TMEM150C: variants seen among roughly 807,000 people sequenced by gnomAD.
TMEM150C encodes tentonin 3.
In TMEM150C, 10 loss-of-function variants were observed where a neutral mutation model predicts 29.9. That is an observed-to-expected ratio of 0.33 (90% CI 0.21 to 0.57). TMEM150C has a LOEUF of 0.57. Ranked by LOEUF, TMEM150C falls within the 20% of genes least tolerant of loss-of-function variation. The pLI, the probability that TMEM150C is intolerant of heterozygous loss-of-function variation, is 0.88. For missense variants in TMEM150C, 251 were observed against 303.6 expected (o/e 0.83, Z 1.29); for synonymous variants, 101 against 112.5 (o/e 0.90, Z 0.64).
At chr4:82,499,317 AAC>A (rs796315749) in intron 5 of TMEM150C, among the ~76,000 whole-genome samples, 14 of 152,336 alleles carry the variant, frequency 9.2e-5, no homozygotes, top group Admixed American at 3.9e-4. Context: ...AGATTTCACT[AAC>A]AGTTTCAGAA....
At chr4:82,505,046 A>T (rs965431289) in intron 1 of TMEM150C, among the ~76,000 whole-genome samples, 6 of 152,086 alleles carry the variant, frequency 3.9e-5, no homozygotes, top group African/African-American at 1.5e-4. Context: ...CAAAAAAGAA[A>T]GTTTAGTCTA....
intron 1 of TMEM150C, among the ~76,000 whole-genome samples, chr4:82,526,080 T>A (rs916791445): frequency 1.3e-5 from 2 of 152,112 alleles, no homozygotes; most frequent in African/African-American, 4.8e-5. Flanking sequence ...AATTTTTATA[T>A]TTTTAGTAGA....
At chr4:82,510,392 TAGA>T (rs1724085686) in intron 1 of TMEM150C, among the ~76,000 whole-genome samples, 2 of 152,284 alleles carry the variant, frequency 1.3e-5, no homozygotes, top group Admixed American at 1.3e-4. Context: ...TTATTATAAA[TAGA>T]AGGACTTTGT....
chr4:82,561,571 C>T (rs901558282), intron 1 of TMEM150C, among the ~76,000 whole-genome samples: 3 of 150,382 alleles, frequency 2.0e-5, no homozygotes, highest in Non-Finnish European at 4.4e-5. Flanking sequence ...GGGCCGGGGC[C>T]GCAGCGGGCG....
intron 6 of TMEM150C, chr4:82,494,779 C>T (rs921984500): frequency 5.0e-5 from 14 of 280,350 alleles, no homozygotes; most frequent in South Asian, 1.7e-4. Flanking sequence ...AACCAATGTT[C>T]CTAATTTTTT....
rs6832308 is a variant in TMEM150C, at chr4:82,508,434, C to T, written c.-10-3767G>A. 6.1e-3 allele frequency among the ~76,000 whole-genome samples: 935 copies of T among 152,050 alleles called. 16 individuals carry two copies. The highest frequency in any genetic ancestry group is 0.021 in the African/African-American group (876 of 41,490). ...CTGGGACTATAGGCATGCACCGCCA[C>T]ACCTGGCTTGTTGTATCTTTACATT... On this transcript the variant is annotated intron_variant, in intron 1 of 7. Coordinates refer to ENST00000449862, the MANE Select transcript of TMEM150C (RefSeq NM_001080506.3).
chr4:82,500,967 G>GTT (rs1723719081), intron 5 of TMEM150C, among the ~76,000 whole-genome samples: 1 of 152,156 alleles, frequency 6.6e-6, no homozygotes, highest in Non-Finnish European at 1.5e-5. Context: ...ATTAATCGTT[G>GTT]TTGCCCCCTG....
At chr4:82,532,730 C>CT (rs879674239) in intron 1 of TMEM150C, among the ~76,000 whole-genome samples, 591 of 139,936 alleles carry the variant, frequency 4.2e-3, no homozygotes, top group Non-Finnish European at 5.8e-3. Flanking sequence ...GTCAAGTAAA[C>CT]TTTTTTTTTT....
At chr4:82,501,848 C>T (rs1017621721) in intron 5 of TMEM150C, among the ~76,000 whole-genome samples, 1 of 151,872 alleles carries the variant, frequency 6.6e-6, no homozygotes, top group Non-Finnish European at 1.5e-5. Flanking sequence ...GGAGACACGT[C>T]CCACAAAGGT....
intron 1 of TMEM150C, among the ~76,000 whole-genome samples, chr4:82,557,499 G>A (rs771608831): frequency 1.3e-4 from 20 of 152,000 alleles, no homozygotes; most frequent in Non-Finnish European, 2.8e-4. Context: ...AAATTGAAAC[G>A]TACAGAAACT....
rs191722131 is a variant in TMEM150C, at chr4:82,485,827, A to C, written c.542-108T>G. On this transcript the variant is annotated intron_variant, in intron 7 of 7. Coordinates refer to ENST00000449862, the MANE Select transcript of TMEM150C (RefSeq NM_001080506.3). Reference sequence around the variant, plus strand: ...AAAGTCTGGCTTTCCTCATCACTAGAAAAACTGGTAGCCTGCTAGAGCTTG... The same window carrying C: ...AAAGTCTGGCTTTCCTCATCACTAGCAAAACTGGTAGCCTGCTAGAGCTTG... The C allele has an allele frequency of 6.3e-6, 6 of 951,688 alleles. No homozygotes were observed. In the Admixed American group the frequency reaches 8.3e-5, roughly 13 times the overall value. The allele number at this position is 951,688 out of a possible 1,614,324, so 59.0% of individuals were successfully genotyped here.
intron 6 of TMEM150C, among the ~76,000 whole-genome samples, chr4:82,494,361 T>C (rs1163283708): frequency 6.6e-6 from 1 of 152,180 alleles, no homozygotes; most frequent in Non-Finnish European, 1.5e-5. Flanking sequence ...GTTGTGACCT[T>C]GGGCTTCTGA....
At position 82,496,166 on chromosome 4, in the gene TMEM150C, G is replaced by C; in HGVS notation, c.265C>G (p.Gln89Glu). The C allele has an allele frequency of 6.2e-7, 1 of 1,613,932 alleles. No homozygotes were observed. Among genetic ancestry groups the C allele is most frequent in the Middle Eastern group, 1.6e-4 (1 of 6,062 alleles). ...ALVVAVLRFIQLKPKVLNPWL... is the reference protein window; with the variant it reads ...ALVVAVLRFIELKPKVLNPWL... ...GGGTTTAAAACCTTCGGTTTCAGTT[G>C]TATGAAGCGCAGAACAGCTACCACA... The change falls in exon 6 of 8, where the codon CAA (glutamine) becomes GAA (glutamate). Residue 89 changes from glutamine (Q) to glutamate (E), a missense_variant. By Grantham distance (29) the Gln-to-Glu change is conservative (BLOSUM62 2). Coordinates refer to ENST00000449862, the MANE Select transcript of TMEM150C (RefSeq NM_001080506.3).
chr4:82,556,071 G>T (rs74547716), intron 1 of TMEM150C, among the ~76,000 whole-genome samples: 6,967 of 152,038 alleles, frequency 0.046, 552 homozygotes, highest in African/African-American at 0.16. Flanking sequence ...AGGGGTCCGG[G>T]GTCCTGTTTT....
intron 6 of TMEM150C, chr4:82,495,497 C>A: frequency 2.7e-6 from 1 of 377,296 alleles, no homozygotes; most frequent in South Asian, 2.3e-5. Context: ...TGACGAGGCA[C>A]CCTAGTATCA....
chr4:82,506,556 G>A (rs1045804630), intron 1 of TMEM150C, among the ~76,000 whole-genome samples: 7 of 152,158 alleles, frequency 4.6e-5, no homozygotes, highest in African/African-American at 1.7e-4. Context: ...CCTGTGCCAG[G>A]TACTATATCA....
intron 1 of TMEM150C, among the ~76,000 whole-genome samples, chr4:82,505,796 C>T (rs982342342): frequency 1.3e-5 from 2 of 152,132 alleles, no homozygotes; most frequent in African/African-American, 4.8e-5. Context: ...TCCCCCCTCA[C>T]ACAAATGAAG....
intron 1 of TMEM150C, among the ~76,000 whole-genome samples, chr4:82,559,954 GC>G (rs1725868152): frequency 1.3e-5 from 2 of 152,108 alleles, no homozygotes; most frequent in Admixed American, 1.3e-4. Context: ...TGGGTCACAG[GC>G]GAGACAAAGC....
intron 1 of TMEM150C, among the ~76,000 whole-genome samples, chr4:82,507,779 C>T (rs1317103084): frequency 3.3e-5 from 3 of 92,118 alleles, no homozygotes; most frequent in South Asian, 4.5e-4. Context: ...GACACGATCT[C>T]GCTTTGTCAC....
Sources: allele counts gnomAD v4.1 joint callset (sites outside exome capture counted in the v4.1 genomes callset), GRCh38; gene constraint gnomAD v4.1.1; transcripts MANE v1.5; gene names NCBI Gene and HGNC (gene_info 2026-07-23, HGNC 2026-07-21).